WASHC4: variants seen among roughly 807,000 people sequenced by gnomAD.
WASHC4 encodes WASH complex subunit 4.
A neutral mutation model predicts 166.6 loss-of-function variants in WASHC4; 86 were observed. The ratio of observed to expected loss-of-function variants is 0.52; its 90% CI spans 0.43 to 0.62. WASHC4 has a LOEUF of 0.62. Among genes scored for constraint, WASHC4 ranks in the 20% least tolerant of loss-of-function variants. The pLI, the probability that WASHC4 is intolerant of heterozygous loss-of-function variation, is 0.00. For synonymous variants in WASHC4, 446 were observed against 451.6 expected (o/e 0.99, Z 0.16); for missense variants, 1,262 against 1,382.4 (o/e 0.91, Z 1.38).
At chr12:105,161,480 A>C (rs1884493055) in intron 29 of WASHC4, among the ~76,000 whole-genome samples, 1 of 152,212 alleles carries the variant, frequency 6.6e-6, no homozygotes. Context: ...CAATGTACTC[A>C]AACCATTGTA....
chr12:105,138,819 A>AATATGT (rs749135551), intron 15 of WASHC4, among the ~76,000 whole-genome samples: 69 of 152,314 alleles, frequency 4.5e-4, no homozygotes, highest in Non-Finnish European at 9.0e-4. Flanking sequence ...TGTATGTTAG[A>AATATGT]ATATGTATAA....
intron 15 of WASHC4, among the ~76,000 whole-genome samples, chr12:105,138,374 A>C (rs1221755033): frequency 2.7e-5 from 4 of 149,502 alleles, no homozygotes; most frequent in African/African-American, 9.7e-5. Flanking sequence ...AAAAAAAAAA[A>C]CAGCTTGTCT....
chr12:105,133,834 A>G lies in WASHC4; in HGVS notation c.1264A>G (p.Lys422Glu). The change falls in exon 14 of 33, where the codon AAA (lysine) becomes GAA (glutamate). Residue 422 changes from lysine to glutamate, a missense_variant. Lys to Glu is a moderately conservative substitution (Grantham distance 56). Transcript: ENST00000332180. ...WMMKMESILS[K>E]EQRMDKFAED... Reference sequence around the variant, plus strand: ...GATGAAAATGGAATCTATTTTGTCTAAAGAGCAGAGAATGGATAAATTTGC... The same window carrying G: ...GATGAAAATGGAATCTATTTTGTCTGAAGAGCAGAGAATGGATAAATTTGC... 1.9e-6 allele frequency: 3 copies of G among 1,611,996 alleles called. No homozygotes were observed. The highest frequency in any genetic ancestry group is 2.5e-6 in the Non-Finnish European group (3 of 1,178,400).
intron 1 of WASHC4, among the ~76,000 whole-genome samples, chr12:105,108,397 C>G (rs1879293715): frequency 6.6e-6 from 1 of 152,182 alleles, no homozygotes; most frequent in African/African-American, 2.4e-5. Context: ...TTTCACCCTG[C>G]GAAAATAAAC....
chr12:105,141,923 A>G (rs1182179015), intron 18 of WASHC4, among the ~76,000 whole-genome samples: 3 of 150,346 alleles, frequency 2.0e-5, no homozygotes, highest in Non-Finnish European at 4.4e-5. Context: ...ATAGTTAATG[A>G]TCATTCTGTT....
At chr12:105,115,107 A>G (rs1025182070) in intron 4 of WASHC4, 77 bp from the exon 5 acceptor site, 7 of 741,206 alleles carry the variant, frequency 9.4e-6, no homozygotes, top group African/African-American at 7.1e-5. Flanking sequence ...ATTACTAAGT[A>G]TACAGATCTA....
Position 105,168,966 on chromosome 12 carries a change from T to TGG in WASHC4, c.*2035_*2036insGG, listed in dbSNP as rs1245701710. On this transcript the variant is annotated 3_prime_UTR_variant, in exon 33 of 33. Coordinates refer to ENST00000332180, the MANE Select transcript of WASHC4 (RefSeq NM_015275.3). ...TTAAGTTCACAGAAAACTTAATAAT[T>TGG]CAAATTCTCAGGAATTAAGGACTCA... 1 of 152,594 alleles carries TGG rather than the reference T, an allele frequency of 6.6e-6. No individual in the cohort carries two copies. Among genetic ancestry groups the TGG allele is most frequent in the Admixed American group, 6.5e-5 (1 of 15,274 alleles). The allele number at this position is 152,594 out of a possible 1,614,324, so 9.5% of individuals were successfully genotyped here.
At position 105,162,962 on chromosome 12, in the gene WASHC4, CTTTTTTA is replaced by C. The variant is rs1884595685; in HGVS notation, c.3157+124_3157+130del. The C allele has an allele frequency of 9.5e-6, 6 of 630,840 alleles. No individual in the cohort carries two copies. The East Asian group carries it at 1.2e-4, about 13-fold the overall frequency. The allele number at this position is 630,840 out of a possible 1,614,324, so 39.1% of individuals were successfully genotyped here. On this transcript the variant is annotated intron_variant, in intron 30 of 32. Coordinates refer to ENST00000332180, the MANE Select transcript of WASHC4 (RefSeq NM_015275.3). ...CTTTATAGATTTTTCTTTCTTTTTT[CTTTTTTA>C]TTTTTTTGAGACAGAGTCTCGTCTC...
At chr12:105,161,559 G>A (rs1262355500) in intron 29 of WASHC4, among the ~76,000 whole-genome samples, 1 of 152,160 alleles carries the variant, frequency 6.6e-6, no homozygotes, top group Non-Finnish European at 1.5e-5. Context: ...GTCAGAATTC[G>A]CTTAGTGATG....
chr12:105,146,468 A>G lies in WASHC4; in HGVS notation c.2351A>G (p.Glu784Gly), dbSNP rs1235273363. The change falls in exon 23 of 33, where the codon GAA becomes GGA. Residue 784 changes from glutamate (E) to glycine (G), a missense_variant. Coordinates refer to ENST00000332180, the MANE Select transcript of WASHC4 (RefSeq NM_015275.3). ...ATGTTGTAGGGCCTTGATGTTTTAG[A>G]AATTATGAGAAACATTCATATATTT... ...QTLEQGLDVL[E>G]IMRNIHIFVS... 2 of 1,585,376 alleles carry G rather than the reference A, an allele frequency of 1.3e-6. No homozygotes were observed. Among genetic ancestry groups the G allele is most frequent in the South Asian group, 2.2e-5 (2 of 90,314 alleles).
chr12:105,156,137 A>G (rs1162769535), intron 26 of WASHC4, among the ~76,000 whole-genome samples: 1 of 152,234 alleles, frequency 6.6e-6, no homozygotes, highest in East Asian at 1.9e-4. Context: ...GGAGCCAGGG[A>G]TGACTTTAAG....
chr12:105,129,327 C>T (rs894820857), intron 13 of WASHC4, among the ~76,000 whole-genome samples: 3 of 152,106 alleles, frequency 2.0e-5, no homozygotes, highest in South Asian at 4.1e-4. Context: ...TCAGGTGATC[C>T]GCCACCTCGG....
intron 24 of WASHC4, 60 bp from the exon 25 acceptor site, chr12:105,149,555 A>T (rs1883572865): frequency 8.5e-7 from 1 of 1,171,610 alleles, no homozygotes; most frequent in Non-Finnish European, 1.2e-6. Flanking sequence ...ATTTATTTGA[A>T]TTGATTTGAA....
chr12:105,142,399 ATTG>A, intron 18 of WASHC4, 51 bp from the exon 19 acceptor site: 1 of 1,006,410 alleles, frequency 9.9e-7, no homozygotes, highest in Non-Finnish European at 1.6e-6. Context: ...TTCCTTTCAT[ATTG>A]TTTTGGGATT....
rs143742513 is a variant in WASHC4, at chr12:105,149,064, A to G, written c.2515-551A>G. 1,408 of 982,356 alleles carry G rather than the reference A, an allele frequency of 1.4e-3. 18 individuals are homozygous for G. In the African/African-American group the frequency reaches 0.023, roughly 16 times the overall value. The allele number at this position is 982,356 out of a possible 1,614,324, so 60.9% of individuals were successfully genotyped here. A position where few individuals can be genotyped will look rare whatever the true frequency, so the allele number is the denominator to read the frequency against. On this transcript the variant is annotated intron_variant, in intron 24 of 32. Coordinates refer to ENST00000332180, the MANE Select transcript of WASHC4 (RefSeq NM_015275.3). ...GTTTAAAATGTTTGTCACCTGTTCT[A>G]GAATATAAACTTCGTGAAGACAAGG...
Position 105,117,436 on chromosome 12 carries a change from A to G in WASHC4, c.436-1010A>G, listed in dbSNP as rs183952610. On this transcript the variant is annotated intron_variant, in intron 6 of 32. Transcript: ENST00000332180. Reference sequence around the variant, plus strand: ...GGTCTATCTTATATAGTCTGTATGTATATCTGGGCTTGTTTCTGCCTTTTT... The same window carrying G: ...GGTCTATCTTATATAGTCTGTATGTGTATCTGGGCTTGTTTCTGCCTTTTT... Among the ~76,000 whole-genome samples, 42 of 152,198 alleles carry G rather than the reference A, an allele frequency of 2.8e-4. No homozygotes were observed. The East Asian group carries it at 5.6e-3, about 20-fold the overall frequency.
intron 32 of WASHC4, among the ~76,000 whole-genome samples, chr12:105,165,653 C>T (rs1184973159): frequency 6.6e-6 from 1 of 152,036 alleles, no homozygotes; most frequent in Non-Finnish European, 1.5e-5. Flanking sequence ...TTTTAAAATA[C>T]ACCTTTTTTC....
chr12:105,112,162 C>T (rs1452249669), intron 2 of WASHC4, among the ~76,000 whole-genome samples: 1 of 152,172 alleles, frequency 6.6e-6, no homozygotes, highest in East Asian at 1.9e-4. Flanking sequence ...GATATGTGCT[C>T]CTTTGTTGCT....
Position 105,138,077 on chromosome 12 carries a change from A to C in WASHC4, c.1452+66A>C, listed in dbSNP as rs970458349. 38 of 1,523,208 alleles carry C rather than the reference A, an allele frequency of 2.5e-5. No homozygotes were observed. In the Admixed American group the frequency reaches 6.9e-4, roughly 27 times the overall value. 94.4% of individuals were successfully genotyped at this position (1,523,208 alleles called of 1,614,324 possible). On this transcript the variant is annotated intron_variant, in intron 15 of 32. Coordinates refer to ENST00000332180, the MANE Select transcript of WASHC4 (RefSeq NM_015275.3). ...AATGACCCAGGCTTAAATTAGGATAATCTTGTAAGGTTTGACTACATGATT... is the reference window on the plus strand; with the variant it reads ...AATGACCCAGGCTTAAATTAGGATACTCTTGTAAGGTTTGACTACATGATT...
Sources: allele counts gnomAD v4.1 joint callset (sites outside exome capture counted in the v4.1 genomes callset), GRCh38; gene constraint gnomAD v4.1.1; transcripts MANE v1.5; gene names NCBI Gene and HGNC (gene_info 2026-07-23, HGNC 2026-07-21).